Variants in ONECUT3 observed in about 807,000 individuals in gnomAD.
ONECUT3 encodes the protein one cut domain family member 3.
A neutral mutation model predicts 16.8 loss-of-function variants in ONECUT3; 11 were observed. That is an observed-to-expected ratio of 0.66 (90% CI 0.41 to 1.09). The LOEUF is 1.09. Ranked by LOEUF, ONECUT3 falls within the 50% of genes least tolerant of loss-of-function variation. The pLI, the probability that ONECUT3 is intolerant of heterozygous loss-of-function variation, is 0.00. For missense variants in ONECUT3, 637 were observed against 629.9 expected (o/e 1.01, Z -0.12); for synonymous variants, 344 against 310.7 (o/e 1.11, Z -1.13).
At position 1,754,181 on chromosome 19, in the gene ONECUT3, C is replaced by T; in HGVS notation, c.519C>T (p.Asp173=). ...SVSGSFTLMR[D]ERAALASVGH... ...GCGGCAGCTTCACCCTCATGCGCGACGAGCGGGCGGCGCTCGCCTCCGTGG... is the reference window on the plus strand; with the variant it reads ...GCGGCAGCTTCACCCTCATGCGCGATGAGCGGGCGGCGCTCGCCTCCGTGG... The change falls in exon 1 of 2, where the codon GAC becomes GAT. Residue 173 remains aspartate, a synonymous_variant. Transcript: ENST00000382349. This position sits in a 1 kb window ranked among gnomAD's most constrained non-coding sequence, Gnocchi z 7.4. 2 of 1,152,508 alleles carry T rather than the reference C, an allele frequency of 1.7e-6. No individual in the cohort carries two copies. The highest frequency in any genetic ancestry group is 2.2e-6 in the Non-Finnish European group (2 of 927,426). 71.4% of individuals were successfully genotyped at this position (1,152,508 alleles called of 1,614,324 possible).
chr19:1,757,418 G>A (rs1042429885), intron 1 of ONECUT3, among the ~76,000 whole-genome samples: 6 of 152,246 alleles, frequency 3.9e-5, no homozygotes, highest in African/African-American at 7.2e-5. Context: ...TAGAACAGTC[G>A]CCGTCTCAGG....
At chr19:1,769,919 C>T (rs2068038463) in intron 1 of ONECUT3, among the ~76,000 whole-genome samples, 1 of 152,092 alleles carries the variant, frequency 6.6e-6, no homozygotes, top group Non-Finnish European at 1.5e-5. Flanking sequence ...CATTAGGCAC[C>T]AGATTGGAGC....
In ONECUT3 at chr19:1,779,309, A is replaced by C. The variant is rs1013257997; in HGVS notation, c.*3864A>C. ...GGAGACCAGAGGGAAAGTTAGAGGG[A>C]GCGTGATCGCGAGAGAGACTGCGGC... On this transcript the variant is annotated 3_prime_UTR_variant, in exon 2 of 2. Transcript: ENST00000382349. The C allele has an allele frequency of 3.3e-5, 5 of 152,140 alleles. No homozygotes were observed. The highest frequency in any genetic ancestry group is 1.2e-4 in the African/African-American group (5 of 41,424). 9.4% of individuals were successfully genotyped at this position (152,140 alleles called of 1,614,324 possible).
intron 1 of ONECUT3, among the ~76,000 whole-genome samples, chr19:1,771,116 G>A (rs149546945): frequency 2.6e-5 from 4 of 152,072 alleles, no homozygotes; most frequent in East Asian, 3.9e-4. Context: ...TTCTTCCCAC[G>A]CTCCCCAACA....
At chr19:1,768,881 G>T (rs964655635) in intron 1 of ONECUT3, among the ~76,000 whole-genome samples, 4 of 148,942 alleles carry the variant, frequency 2.7e-5, no homozygotes, top group African/African-American at 9.8e-5. Flanking sequence ...GGAGGTAGAG[G>T]TGGAGGTGGT....
chr19:1,754,208 C>T lies in ONECUT3; in HGVS notation c.546C>T (p.Gly182=), dbSNP rs2067904118. The change falls in exon 1 of 2, where the codon GGC becomes GGT. Residue 182 remains glycine, a synonymous_variant. Transcript: ENST00000382349. This position sits in a 1 kb window ranked among gnomAD's most constrained non-coding sequence, Gnocchi z 7.4. ...RDERAALASV[G]HLYGPYGKEL... is the part of the protein sequence containing the mutation. ...AGCGGGCGGCGCTCGCCTCCGTGGG[C>T]CACCTCTACGGACCCTACGGCAAGG... 1 of 1,141,052 alleles carries T rather than the reference C, an allele frequency of 8.8e-7. No individual in the cohort carries two copies. Among genetic ancestry groups the T allele is most frequent in the Non-Finnish European group, 1.1e-6 (1 of 920,324 alleles). The allele number at this position is 1,141,052 out of a possible 1,614,324, so 70.7% of individuals were successfully genotyped here.
rs916348874 is a variant in ONECUT3 at position 1,753,813 on chromosome 19, G to C, written c.151G>C (p.Ala51Pro). ...PGRPGLVAGM[A>P]SLLDGGGGGG... ...GCGCCCGGGCCTGGTGGCCGGCATG[G>C]CGAGCCTGCTGGACGGCGGCGGCGG... Residue 51 changes from alanine to proline, a missense_variant, in exon 1 of 2, where the codon GCG (alanine) becomes CCG (proline). Physicochemically the swap from Ala to Pro is conservative, Grantham distance 27 (BLOSUM62 -1). Transcript: ENST00000382349. 4.1e-6 allele frequency: 4 copies of C among 970,500 alleles called. No individual in the cohort carries two copies. The African/African-American group carries it at 7.1e-5, about 17-fold the overall frequency. The allele number at this position is 970,500 out of a possible 1,614,324, so 60.1% of individuals were successfully genotyped here.
In ONECUT3 at chr19:1,775,182, A is replaced by C. The variant is rs752318025; in HGVS notation, c.1222A>C (p.Lys408Gln). Residue 408 changes from lysine (K) to glutamine (Q), a missense_variant, in exon 2 of 2, where the codon AAG (lysine) becomes CAG (glutamine). Physicochemically the swap from Lys to Gln is moderately conservative, Grantham distance 53. Transcript: ENST00000382349. ...ACKRKEQEQQ[K>Q]ERALQPKKQR... ...CAAGCGCAAGGAACAGGAGCAGCAG[A>C]AGGAGCGCGCCCTGCAGCCCAAGAA... is the stretch of plus-strand genomic sequence containing the variant. 18 of 1,472,370 alleles carry C rather than the reference A, an allele frequency of 1.2e-5. No homozygotes were observed. The highest frequency in any genetic ancestry group is 8.9e-5 in the East Asian group (3 of 33,600). The allele number at this position is 1,472,370 out of a possible 1,614,324, so 91.2% of individuals were successfully genotyped here. A position where few individuals can be genotyped will look rare whatever the true frequency, so the allele number is the denominator to read the frequency against.
intron 1 of ONECUT3, among the ~76,000 whole-genome samples, chr19:1,771,640 T>C (rs1436383316): frequency 6.6e-6 from 1 of 152,174 alleles, no homozygotes; most frequent in Non-Finnish European, 1.5e-5. Flanking sequence ...ACAACGAGGC[T>C]TGAGTGTCTT....
intron 1 of ONECUT3, among the ~76,000 whole-genome samples, chr19:1,763,370 A>AAAAAAAAAAAAAAAAAAT: frequency 1.1e-5 from 1 of 89,732 alleles, no homozygotes; most frequent in Non-Finnish European, 1.9e-5. Flanking sequence ...CCATCTCAAA[A>AAAAAAAAAAAAAAAAAAT]AAAAAAAAAA....
At chr19:1,761,190 T>C (rs2067944707) in intron 1 of ONECUT3, among the ~76,000 whole-genome samples, 1 of 151,886 alleles carries the variant, frequency 6.6e-6, no homozygotes, top group Admixed American at 6.6e-5. Flanking sequence ...GTAGCTGAGA[T>C]TACAGGCATG....
In ONECUT3 at chr19:1,776,710, T is replaced by G. The variant is rs921645415; in HGVS notation, c.*1265T>G. The G allele has an allele frequency of 1.6e-5, 2 of 128,104 alleles. No homozygotes were observed. Among genetic ancestry groups the G allele is most frequent in the Non-Finnish European group, 3.1e-5 (2 of 63,512 alleles). The allele number at this position is 128,104 out of a possible 1,614,324, so 7.9% of individuals were successfully genotyped here. A position where few individuals can be genotyped will look rare whatever the true frequency, so the allele number is the denominator to read the frequency against. ...GGCCGCGGGATCCCAGGAGCCCGCCTCCTCCGGGGGTTCAAGATCCGAGTC... is the reference window on the plus strand; with the variant it reads ...GGCCGCGGGATCCCAGGAGCCCGCCGCCTCCGGGGGTTCAAGATCCGAGTC... On this transcript the variant is annotated 3_prime_UTR_variant, in exon 2 of 2. Transcript: ENST00000382349. The surrounding 1 kb of genome is among the most constrained non-coding windows in gnomAD (Gnocchi z 4.9).
rs1176353761 is a variant in ONECUT3 at position 1,755,339 on chromosome 19, C to T, written c.1192+485C>T. ...AGCCCCGGGCCACAGAGCTCCGAGA[C>T]GTTGCGGCGGGCGCCTGCAGCTCAG... On this transcript the variant is annotated intron_variant, in intron 1 of 1. Coordinates refer to ENST00000382349, the MANE Select transcript of ONECUT3 (RefSeq NM_001080488.2). This position sits in a 1 kb window ranked among gnomAD's most constrained non-coding sequence, Gnocchi z 7.5. Among the ~76,000 whole-genome samples the T allele has an allele frequency of 2.0e-5, 3 of 152,146 alleles. No homozygotes were observed. The highest frequency in any genetic ancestry group is 2.9e-5 in the Non-Finnish European group (2 of 68,028).
chr19:1,774,233 G>C (rs771799605), intron 1 of ONECUT3, among the ~76,000 whole-genome samples: 5 of 152,102 alleles, frequency 3.3e-5, no homozygotes, highest in Non-Finnish European at 4.4e-5. Flanking sequence ...GGACTCACAG[G>C]GTCCCTAAGG....
chr19:1,779,604 A>G lies in ONECUT3; in HGVS notation c.*4159A>G, dbSNP rs2068139957. ...AGGAAGAAAAATGCAAAAAAAAAAG[A>G]CAAAATGGAATTTGAGTTGGTGCAT... On this transcript the variant is annotated 3_prime_UTR_variant, in exon 2 of 2. Coordinates refer to ENST00000382349, the MANE Select transcript of ONECUT3 (RefSeq NM_001080488.2). The G allele has an allele frequency of 6.9e-6, 1 of 145,214 alleles. No homozygotes were observed. The highest frequency in any genetic ancestry group is 2.1e-4 in the South Asian group (1 of 4,654). The allele number at this position is 145,214 out of a possible 1,614,324, so 9.0% of individuals were successfully genotyped here.
rs1160250053 is a variant in ONECUT3 at position 1,759,769 on chromosome 19, G to A, written c.1192+4915G>A. ...ATGGGCAGAATGAAATGACGCCTAGGAGAGGGGGTATGAGGGGCTGGAGGG... is the reference window on the plus strand; with the variant it reads ...ATGGGCAGAATGAAATGACGCCTAGAAGAGGGGGTATGAGGGGCTGGAGGG... On this transcript the variant is annotated intron_variant, in intron 1 of 1. Transcript: ENST00000382349. The surrounding 1 kb of genome is among the most constrained non-coding windows in gnomAD (Gnocchi z 4.1). Among the ~76,000 whole-genome samples the A allele has an allele frequency of 6.6e-6, 1 of 152,186 alleles. No homozygotes were observed. The highest frequency in any genetic ancestry group is 1.5e-5 in the Non-Finnish European group (1 of 68,032).
intron 1 of ONECUT3, among the ~76,000 whole-genome samples, chr19:1,763,372 A>T (rs1441567588): frequency 1.1e-5 from 1 of 94,358 alleles, no homozygotes; most frequent in Admixed American, 1.0e-4. Context: ...ATCTCAAAAA[A>T]AAAAAAAAAA....
chr19:1,767,564 G>T (rs1331747050), intron 1 of ONECUT3, among the ~76,000 whole-genome samples: 2 of 152,070 alleles, frequency 1.3e-5, no homozygotes, highest in African/African-American at 2.4e-5. Context: ...CCTTTCCCCC[G>T]CATGAGACAC....
In ONECUT3 at chr19:1,754,006, C is replaced by T; in HGVS notation, c.344C>T (p.Pro115Leu). Reference sequence around the variant, plus strand: ...ACGCTCACGCCCCTGCAGCACCTGCCGCCGCTCGCGGCCGTGGCCGACAAG... The same window carrying T: ...ACGCTCACGCCCCTGCAGCACCTGCTGCCGCTCGCGGCCGTGGCCGACAAG... The part of the protein sequence containing the change: ...YTTLTPLQHL[P>L]PLAAVADKFH... The change falls in exon 1 of 2, where the codon CCG (proline) becomes CTG (leucine). Residue 115 changes from proline (P) to leucine (L), a missense_variant. Physicochemically the swap from Pro to Leu is moderately conservative, Grantham distance 98 (BLOSUM62 -3). This residue lies in a region of ONECUT3 where 419 missense variants were observed against 377.9 expected (regional missense o/e 1.11). Transcript: ENST00000382349. This position sits in a 1 kb window ranked among gnomAD's most constrained non-coding sequence, Gnocchi z 7.4. The T allele has an allele frequency of 1.0e-6, 1 of 993,818 alleles. No individual in the cohort carries two copies. Among genetic ancestry groups the T allele is most frequent in the Non-Finnish European group, 1.2e-6 (1 of 836,856 alleles). 61.6% of individuals were successfully genotyped at this position (993,818 alleles called of 1,614,324 possible).
Sources: allele counts gnomAD v4.1 joint callset (sites outside exome capture counted in the v4.1 genomes callset), GRCh38; gene constraint gnomAD v4.1.1; regional missense constraint gnomAD v4.1.1; non-coding constraint Gnocchi (gnomAD v3.1); transcripts MANE v1.5; gene names NCBI Gene and HGNC (gene_info 2026-07-23, HGNC 2026-07-21).